TENM4: variants seen among roughly 807,000 people sequenced by gnomAD.
TENM4 encodes the protein teneurin-4.
TENM4 carries 82 observed loss-of-function variants against 243.3 expected under a neutral mutation model. The observed-to-expected ratio is 0.34, with a 90% CI of 0.28 to 0.40. The LOEUF is 0.40. Ranked by LOEUF, TENM4 falls within the 10% of genes least tolerant of loss-of-function variation. The probability of loss-of-function intolerance (pLI) is 1.00; values close to 1 mark genes in which losing one functional copy is unlikely to be tolerated. For synonymous variants in TENM4, 1,412 were observed against 1,456.3 expected, an observed-to-expected ratio of 0.97 and a Z score of 0.69; for missense variants, 3,138 against 3,673.3, an observed-to-expected ratio of 0.85 and a Z score of 3.77.
chr11:79,161,695 T>C (rs1185287231), intron 3 of TENM4, among the ~76,000 whole-genome samples: 1 of 152,214 alleles, frequency 6.6e-6, no homozygotes, highest in Non-Finnish European at 1.5e-5. Context: ...CCTGTCCAAC[T>C]GTGATAGCAT....
chr11:78,926,733 A>G (rs1450151952), intron 6 of TENM4, among the ~76,000 whole-genome samples: 1 of 147,410 alleles, frequency 6.8e-6, no homozygotes, highest in Non-Finnish European at 1.5e-5. Flanking sequence ...TGACGTTAAT[A>G]TTATAGACAC....
At chr11:79,157,474 T>C (rs546448700) in intron 3 of TENM4, among the ~76,000 whole-genome samples, 7 of 152,330 alleles carry the variant, frequency 4.6e-5, no homozygotes, top group African/African-American at 1.7e-4. Context: ...CCCTACAGCA[T>C]GCCTGGCTCT....
At chr11:78,838,127 A>G (rs1858160050) in intron 12 of TENM4, among the ~76,000 whole-genome samples, 1 of 152,228 alleles carries the variant, frequency 6.6e-6, no homozygotes. Flanking sequence ...GGCTAAAAAA[A>G]AGATACACCA....
At chr11:79,046,677 T>C (rs1393871568) in intron 6 of TENM4, among the ~76,000 whole-genome samples, 2 of 152,108 alleles carry the variant, frequency 1.3e-5, no homozygotes, top group African/African-American at 4.8e-5. Context: ...ACTGGAGTGA[T>C]GCAGCTGCAA....
At chr11:78,849,586 C>G (rs1464120703) in intron 12 of TENM4, among the ~76,000 whole-genome samples, 5 of 152,008 alleles carry the variant, frequency 3.3e-5, no homozygotes, top group Non-Finnish European at 7.4e-5. Flanking sequence ...TAAATATTTG[C>G]TGAATGAATG....
At position 79,354,220 on chromosome 11, in the gene TENM4, C is replaced by T. The variant is rs114197057; in HGVS notation, c.-320-56677G>A. 2.6e-3 allele frequency among the ~76,000 whole-genome samples: 394 copies of T among 152,286 alleles called. 2 individuals are homozygous for T. The highest frequency in any genetic ancestry group is 8.8e-3 in the African/African-American group (367 of 41,562). On this transcript the variant is annotated intron_variant, in intron 1 of 33. Transcript: ENST00000278550. ...CTGAATGGCATCCTTGTATTATAAACGTTATTTTAAGTTGACGTTGTTTCC... is the reference window on the plus strand; with the variant it reads ...CTGAATGGCATCCTTGTATTATAAATGTTATTTTAAGTTGACGTTGTTTCC...
chr11:79,409,212 A>T (rs1204925053), intron 1 of TENM4, among the ~76,000 whole-genome samples: 1 of 151,944 alleles, frequency 6.6e-6, no homozygotes, highest in African/African-American at 2.4e-5. Context: ...AAAAAAAAAA[A>T]AGATTATACT....
chr11:79,081,534 GGTGTGTGT>G (rs56237099), intron 4 of TENM4, among the ~76,000 whole-genome samples: 16 of 148,176 alleles, frequency 1.1e-4, no homozygotes, highest in Non-Finnish European at 1.2e-4. Context: ...TGTCAGAGGT[GGTGTGTGT>G]GTGTGTGTGT....
At chr11:78,711,183 C>T (rs552759958) in intron 26 of TENM4, among the ~76,000 whole-genome samples, 2 of 152,250 alleles carry the variant, frequency 1.3e-5, no homozygotes, top group Admixed American at 1.3e-4. Context: ...ACAATATTTA[C>T]CCCACACAAC....
chr11:79,082,120 A>G (rs895720425), intron 4 of TENM4, among the ~76,000 whole-genome samples: 1 of 152,178 alleles, frequency 6.6e-6, no homozygotes, highest in Admixed American at 6.5e-5. Flanking sequence ...TGCTGGGTTG[A>G]ACCAAAGTGA....
At chr11:79,243,764 C>T (rs1013644759) in intron 2 of TENM4, among the ~76,000 whole-genome samples, 5 of 152,178 alleles carry the variant, frequency 3.3e-5, no homozygotes, top group East Asian at 1.9e-4. Flanking sequence ...TAATGCAGGG[C>T]GCTAACCAAG....
intron 1 of TENM4, among the ~76,000 whole-genome samples, chr11:79,344,098 T>C (rs181498410): frequency 2.1e-3 from 326 of 152,328 alleles, no homozygotes; most frequent in Non-Finnish European, 3.5e-3. Flanking sequence ...CTGCATTCCA[T>C]CTACTCCCAG....
At chr11:78,661,411 G>A (rs760660748) in intron 33 of TENM4, 38 bp downstream of exon 33, 1 of 1,590,612 alleles carries the variant, frequency 6.3e-7, no homozygotes, top group Non-Finnish European at 8.6e-7. Context: ...AGTAATGTCT[G>A]AGTGGCCTGA....
At chr11:79,048,256 A>G (rs995519195) in intron 6 of TENM4, among the ~76,000 whole-genome samples, 1 of 152,204 alleles carries the variant, frequency 6.6e-6, no homozygotes, top group African/African-American at 2.4e-5. Flanking sequence ...TCATGTCTGA[A>G]CTCAGACAAA....
intron 1 of TENM4, among the ~76,000 whole-genome samples, chr11:79,429,587 C>T (rs1004065768): frequency 3.9e-5 from 6 of 152,072 alleles, no homozygotes; most frequent in African/African-American, 1.4e-4. Context: ...GAAGCATAGA[C>T]AATCCAAGGA....
chr11:79,147,843 C>A (rs747812082), intron 4 of TENM4, among the ~76,000 whole-genome samples: 7 of 152,090 alleles, frequency 4.6e-5, no homozygotes, highest in Non-Finnish European at 1.0e-4. Flanking sequence ...AGTGATAGGG[C>A]TTGGATTGGA....
chr11:78,865,347 A>G (rs745466072), intron 9 of TENM4, among the ~76,000 whole-genome samples: 20 of 152,200 alleles, frequency 1.3e-4, no homozygotes, highest in Non-Finnish European at 2.8e-4. Flanking sequence ...AACTCTTCCA[A>G]TCCTGAAAAC....
intron 2 of TENM4, among the ~76,000 whole-genome samples, chr11:79,284,510 G>T (rs373404120): frequency 3.3e-5 from 5 of 152,314 alleles, no homozygotes; most frequent in African/African-American, 1.2e-4. Context: ...GCGAAAGAAT[G>T]AAGTTTGCTC....
rs76984563 is a variant in TENM4 at position 79,330,477 on chromosome 11, C to T, written c.-320-32934G>A. On this transcript the variant is annotated intron_variant, in intron 1 of 33. Coordinates refer to ENST00000278550, the MANE Select transcript of TENM4 (RefSeq NM_001098816.3). Reference sequence around the variant, plus strand: ...TGAGAGTTGATCACAGGCCTTAATCCTCCCTCTTTCTCACCCAGCATTCAG... The same window carrying T: ...TGAGAGTTGATCACAGGCCTTAATCTTCCCTCTTTCTCACCCAGCATTCAG... Among the ~76,000 whole-genome samples, 1,319 of 152,258 alleles carry T rather than the reference C, an allele frequency of 8.7e-3. 24 individuals are homozygous for T. Among genetic ancestry groups the T allele is most frequent in the African/African-American group, 0.03 (1,230 of 41,542 alleles).
Sources: gnomAD v4.1 joint callset for allele counts (sites outside exome capture counted in the v4.1 genomes callset) on GRCh38, gnomAD v4.1.1 for gene constraint, MANE v1.5 for transcripts, NCBI Gene and HGNC (gene_info 2026-07-23, HGNC 2026-07-21) for gene names.